The following ADAP1 variants were observed in gnomAD, a reference collection of about 807,000 sequenced individuals.
The protein encoded by ADAP1 is arf-GAP with dual PH domain-containing protein 1.
ADAP1 carries 31 observed loss-of-function variants against 54.9 expected under a neutral mutation model. The ratio of observed to expected loss-of-function variants is 0.56; its 90% CI spans 0.42 to 0.76. ADAP1 has a LOEUF of 0.76. Ranked by LOEUF, ADAP1 falls within the 30% of genes least tolerant of loss-of-function variation. ADAP1 has a pLI of 0.00. For synonymous variants in ADAP1, 313 were observed against 202.6 expected (o/e 1.55, Z -4.63); for missense variants, 535 against 512.4 (o/e 1.04, Z -0.42).
intron 1 of ADAP1, 66 bp downstream of exon 1, chr7:954,330 A>G: frequency 6.2e-5 from 47 of 759,190 alleles, no homozygotes; most frequent in Non-Finnish European, 6.9e-5. Flanking sequence ...CCCACCCAGG[A>G]CCCGCCCGGC....
At position 954,462 on chromosome 7, in the gene ADAP1, G is replaced by C. The variant is rs1485127342; in HGVS notation, c.16C>G (p.Arg6Gly). The C allele has an allele frequency of 9.4e-7, 1 of 1,062,364 alleles. No individual in the cohort carries two copies. Among genetic ancestry groups the C allele is most frequent in the Non-Finnish European group, 1.1e-6 (1 of 880,062 alleles). 65.8% of individuals were successfully genotyped at this position (1,062,364 alleles called of 1,614,324 possible). A position where few individuals can be genotyped will look rare whatever the true frequency, so the allele number is the denominator to read the frequency against. ...TGCAGCAGCTCCAGGACCGCCCTGC[G>C]CCGCTCCTTGGCCATGGCCGCGATG... is the stretch of plus-strand genomic sequence containing the variant. Reference protein sequence around the residue: MAKERRRAVLELLQRP... With the variant: MAKERGRAVLELLQRP... The change falls in exon 1 of 11, where the codon CGC becomes GGC. Residue 6 changes from arginine to glycine, a missense_variant. Physicochemically the swap from Arg to Gly is moderately radical, Grantham distance 125 (BLOSUM62 -2). Coordinates refer to ENST00000265846, the MANE Select transcript of ADAP1 (RefSeq NM_006869.4).
chr7:932,409 G>C (rs975980505), intron 2 of ADAP1, among the ~76,000 whole-genome samples: 6 of 152,138 alleles, frequency 3.9e-5, no homozygotes, highest in African/African-American at 1.4e-4. Context: ...TGCCCCGTTT[G>C]CCCTGGAATT....
intron 1 of ADAP1, among the ~76,000 whole-genome samples, chr7:948,741 G>T (rs1464920321): frequency 6.6e-6 from 1 of 152,072 alleles, no homozygotes; most frequent in Non-Finnish European, 1.5e-5. Flanking sequence ...CTGTCGCCCA[G>T]GCTGGAGTGC....
chr7:910,528 C>G (rs1452964797), intron 4 of ADAP1, among the ~76,000 whole-genome samples: 1 of 152,192 alleles, frequency 6.6e-6, no homozygotes, highest in Non-Finnish European at 1.5e-5. Flanking sequence ...GGGGTTGCAG[C>G]GTGAGCCCCA....
chr7:926,839 C>A lies in ADAP1; in HGVS notation c.214-195G>T. 1.3e-6 allele frequency: 1 copy of A among 772,698 alleles called. No individual in the cohort carries two copies. The highest frequency in any genetic ancestry group is 2.0e-6 in the Non-Finnish European group (1 of 511,658). The allele number at this position is 772,698 out of a possible 1,614,324, so 47.9% of individuals were successfully genotyped here. A position where few individuals can be genotyped will look rare whatever the true frequency, so the allele number is the denominator to read the frequency against. On this transcript the variant is annotated intron_variant, in intron 2 of 10. Coordinates refer to ENST00000265846, the MANE Select transcript of ADAP1 (RefSeq NM_006869.4). The surrounding 1 kb of genome is among the most constrained non-coding windows in gnomAD (Gnocchi z 4.6). The stretch of plus-strand genomic sequence containing the variant: ...CTGAGTGATCGACCCTCCCCTGGGA[C>A]AGGGAAGGAGCCAGCGTCCCTAACG...
chr7:914,452 C>T (rs1845848915), intron 4 of ADAP1, among the ~76,000 whole-genome samples: 1 of 152,224 alleles, frequency 6.6e-6, no homozygotes, highest in Non-Finnish European at 1.5e-5. Flanking sequence ...GGCCCGGGAA[C>T]TGCCAACTGG....
rs964492887 is a variant in ADAP1 at position 935,519 on chromosome 7, C to T, written c.83-14G>A. Reference sequence around the variant, plus strand: ...CCCAGTCGGGATCTGCAAGGGAAAGCCGGACGTTCACGGAGGCTCAGCCCA... The same window carrying T: ...CCCAGTCGGGATCTGCAAGGGAAAGTCGGACGTTCACGGAGGCTCAGCCCA... On this transcript the variant is annotated splice_polypyrimidine_tract_variant and intron_variant, in intron 1 of 10. Transcript: ENST00000265846. The T allele has an allele frequency of 2.6e-6, 4 of 1,560,442 alleles. 1 individual carries two copies. The highest frequency in any genetic ancestry group is 1.4e-5 in the African/African-American group (1 of 73,318).
At position 898,489 on chromosome 7, in the gene ADAP1, C is replaced by T. The variant is rs1278421808; in HGVS notation, c.*432G>A. ...TCGTGGAGGTGGGGGGAGGGCGGGG[C>T]GGCATGCGAGCAGGGCCCAGTCCCC... is the stretch of plus-strand genomic sequence containing the variant. On this transcript the variant is annotated 3_prime_UTR_variant, in exon 11 of 11. Transcript: ENST00000265846. 6.2e-5 allele frequency: 15 copies of T among 240,230 alleles called. No individual in the cohort carries two copies. The highest frequency in any genetic ancestry group is 5.3e-4 in the East Asian group (5 of 9,468). 14.9% of individuals were successfully genotyped at this position (240,230 alleles called of 1,614,324 possible).
chr7:903,647 C>T (rs901619089), intron 6 of ADAP1, among the ~76,000 whole-genome samples: 11 of 152,086 alleles, frequency 7.2e-5, no homozygotes, highest in African/African-American at 1.2e-4. Flanking sequence ...TCCAGAGATG[C>T]GGGGTACACC....
At chr7:906,709 CGGGA>C (rs1845429792) in intron 4 of ADAP1, among the ~76,000 whole-genome samples, 1 of 41,694 alleles carries the variant, frequency 2.4e-5, no homozygotes, top group Non-Finnish European at 4.4e-5. Context: ...ACATGGGGGA[CGGGA>C]CATCGGGGAC....
In ADAP1 at chr7:920,438, C is replaced by T. The variant is rs1194096403; in HGVS notation, c.306-388G>A. Among the ~76,000 whole-genome samples, 2 of 151,728 alleles carry T rather than the reference C, an allele frequency of 1.3e-5. No individual in the cohort carries two copies. Among genetic ancestry groups the T allele is most frequent in the South Asian group, 2.1e-4 (1 of 4,806 alleles). On this transcript the variant is annotated intron_variant, in intron 3 of 10. Transcript: ENST00000265846. The surrounding 1 kb of genome is among the most constrained non-coding windows in gnomAD (Gnocchi z 4.5). ...GAGTCACACGCCCCTGGGCCCTCCC[C>T]GACCCTCCCCACCTCGTTGGACCGG...
At chr7:922,657 C>T (rs1350213058) in intron 3 of ADAP1, among the ~76,000 whole-genome samples, 2 of 151,998 alleles carry the variant, frequency 1.3e-5, no homozygotes, top group East Asian at 3.9e-4. Context: ...TTCAGGACAC[C>T]ATCAACACCC....
chr7:905,763 GAGAAAGGA>G (rs1845219126), intron 4 of ADAP1: 4 of 36,446 alleles, frequency 1.1e-4, no homozygotes, highest in Admixed American at 2.5e-4. Context: ...AGGGAGAAGG[GAGAAAGGA>G]GAAAGGAGAA....
intron 1 of ADAP1, among the ~76,000 whole-genome samples, chr7:947,291 A>C (rs1847165386): frequency 6.7e-6 from 1 of 148,930 alleles, no homozygotes; most frequent in Admixed American, 6.8e-5. Flanking sequence ...TCCTGGGCTC[A>C]AGCGATCCTC....
At position 905,925 on chromosome 7, in the gene ADAP1, A is replaced by AAAGG. The variant is rs1422504733; in HGVS notation, c.389-754_389-753insCCTT. ...AAGGAGAAAGGGAAAGGAGAAAGGG[A>AAAGG]GAAAGGAGAAAGGGAGAAAGGAGAA... On this transcript the variant is annotated intron_variant, in intron 4 of 10. Transcript: ENST00000265846. Among the ~76,000 whole-genome samples, 6 of 880 alleles carry AAAGG rather than the reference A, an allele frequency of 6.8e-3. 1 individual carries two copies. The highest frequency in any genetic ancestry group is 0.011 in the Non-Finnish European group (2 of 180). 0.6% of individuals were successfully genotyped at this position (880 alleles called of 152,430 possible). A position where few individuals can be genotyped will look rare whatever the true frequency, so the allele number is the denominator to read the frequency against.
chr7:921,734 C>T (rs746641429), intron 3 of ADAP1, among the ~76,000 whole-genome samples: 3 of 152,240 alleles, frequency 2.0e-5, no homozygotes, highest in Non-Finnish European at 4.4e-5. Flanking sequence ...AGGAGTTGCC[C>T]CCTAGCACCC....
At chr7:948,673 G>A (rs530232084) in intron 1 of ADAP1, among the ~76,000 whole-genome samples, 9 of 152,092 alleles carry the variant, frequency 5.9e-5, no homozygotes, top group African/African-American at 1.4e-4. Context: ...CTGAAAACGC[G>A]TTTACGGGGC....
intron 4 of ADAP1, among the ~76,000 whole-genome samples, chr7:916,462 G>A (rs1447465677): frequency 6.6e-6 from 1 of 152,206 alleles, no homozygotes; most frequent in Non-Finnish European, 1.5e-5. Context: ...CGCCAGCCCA[G>A]CCCATGCCTG....
rs1368813582 is a variant in ADAP1, at chr7:926,721, C to T, written c.214-77G>A. 20 of 1,231,456 alleles carry T rather than the reference C, an allele frequency of 1.6e-5. No homozygotes were observed. The highest frequency in any genetic ancestry group is 6.1e-5 in the South Asian group (4 of 66,060). The allele number at this position is 1,231,456 out of a possible 1,614,324, so 76.3% of individuals were successfully genotyped here. A position where few individuals can be genotyped will look rare whatever the true frequency, so the allele number is the denominator to read the frequency against. ...AGGAGGTGCCAGCTGCCCTTGGGGCCGTCACCACAGTGACCCGCAGACCCA... is the reference window on the plus strand; with the variant it reads ...AGGAGGTGCCAGCTGCCCTTGGGGCTGTCACCACAGTGACCCGCAGACCCA... On this transcript the variant is annotated intron_variant, in intron 2 of 10. Coordinates refer to ENST00000265846, the MANE Select transcript of ADAP1 (RefSeq NM_006869.4). This position sits in a 1 kb window ranked among gnomAD's most constrained non-coding sequence, Gnocchi z 4.6.
Sources: gnomAD v4.1 joint callset for allele counts (sites outside exome capture counted in the v4.1 genomes callset) on GRCh38, gnomAD v4.1.1 for gene constraint, Gnocchi (gnomAD v3.1) non-coding constraint, MANE v1.5 for transcripts, NCBI Gene and HGNC (gene_info 2026-07-23, HGNC 2026-07-21) for gene names.